RBFOX1: variants seen among roughly 807,000 people sequenced by gnomAD.
RBFOX1 encodes RNA binding protein fox-1 homolog 1.
In RBFOX1, 8 loss-of-function variants were observed where a neutral mutation model predicts 57.7. That is an observed-to-expected ratio of 0.14 (90% confidence interval 0.08 to 0.25). The LOEUF is 0.25. Ranked by LOEUF, RBFOX1 falls within the 10% of genes least tolerant of loss-of-function variation. RBFOX1 has a pLI of 1.00. For synonymous variants in RBFOX1, 326 were observed against 222.4 expected (o/e 1.47, Z -4.15); for missense variants, 611 against 548.5 (o/e 1.11, Z -1.14).
chr16:7,653,215 G>C (rs756075781), intron 11 of RBFOX1, among the ~76,000 whole-genome samples: 1 of 152,170 alleles, frequency 6.6e-6, no homozygotes, highest in African/African-American at 2.4e-5. Flanking sequence ...AAATATGTTT[G>C]TGGGTTGGGC....
At chr16:5,831,409 G>A (rs185143606) in intron 3 of RBFOX1, among the ~76,000 whole-genome samples, 5 of 152,114 alleles carry the variant, frequency 3.3e-5, no homozygotes, top group Admixed American at 1.3e-4. Context: ...CTGGGCCTAC[G>A]CAGAAGCTAA....
chr16:6,731,083 C>T (rs1485090626), intron 3 of RBFOX1, among the ~76,000 whole-genome samples: 1 of 152,120 alleles, frequency 6.6e-6, no homozygotes, highest in African/African-American at 2.4e-5. Context: ...ATATCCTTTA[C>T]CTTTGGAAAA....
At chr16:7,466,504 C>G (rs969221911) in intron 4 of RBFOX1, among the ~76,000 whole-genome samples, 3 of 152,040 alleles carry the variant, frequency 2.0e-5, no homozygotes, top group Non-Finnish European at 2.9e-5. Context: ...TTAATGGAGC[C>G]CAGATGTGAA....
At chr16:7,383,238 A>C (rs572645425) in intron 4 of RBFOX1, among the ~76,000 whole-genome samples, 1 of 151,836 alleles carries the variant, frequency 6.6e-6, no homozygotes, top group African/African-American at 2.4e-5. Flanking sequence ...TCCCATAAAC[A>C]TACACACCTA....
chr16:6,796,517 A>G (rs1184580473), intron 3 of RBFOX1, among the ~76,000 whole-genome samples: 2 of 152,306 alleles, frequency 1.3e-5, no homozygotes, highest in South Asian at 2.1e-4. Context: ...CATCCACTGT[A>G]AATAACAGAA....
chr16:5,401,407 G>T (rs2066710358), intron 1 of RBFOX1, among the ~76,000 whole-genome samples: 1 of 152,124 alleles, frequency 6.6e-6, no homozygotes, highest in Non-Finnish European at 1.5e-5. Flanking sequence ...CAATGTCCGT[G>T]CTGTGACTTG....
intron 3 of RBFOX1, among the ~76,000 whole-genome samples, chr16:5,646,286 A>G (rs1443453171): frequency 6.6e-6 from 1 of 150,958 alleles, no homozygotes; most frequent in East Asian, 2.0e-4. Flanking sequence ...CGGCCTCCCA[A>G]AGTGCTGGGA....
chr16:5,247,350 T>C (rs9708768), intron 1 of RBFOX1, among the ~76,000 whole-genome samples: 130,887 of 152,188 alleles, frequency 0.86, 56,375 homozygotes, highest in East Asian at 0.97. Flanking sequence ...TGGAGGAGAA[T>C]CCAGCCTTGG....
At chr16:6,974,848 G>A (rs764902192) in intron 3 of RBFOX1, among the ~76,000 whole-genome samples, 15 of 151,980 alleles carry the variant, frequency 9.9e-5, no homozygotes, top group Non-Finnish European at 1.9e-4. Flanking sequence ...CATTTTACTC[G>A]CATTCAGTGC....
intron 5 of RBFOX1, among the ~76,000 whole-genome samples, chr16:7,573,821 C>G (rs1484323640): frequency 7.0e-6 from 1 of 143,762 alleles, no homozygotes; most frequent in South Asian, 2.3e-4. Flanking sequence ...GGCAACAGAA[C>G]AAGACTCTGT....
At chr16:6,905,192 C>T (rs527937650) in intron 3 of RBFOX1, among the ~76,000 whole-genome samples, 5 of 151,618 alleles carry the variant, frequency 3.3e-5, no homozygotes, top group Non-Finnish European at 7.4e-5. Context: ...TTTTTTTTCT[C>T]AATAACACTT....
chr16:6,323,580 T>G (rs1472388514), intron 2 of RBFOX1, among the ~76,000 whole-genome samples: 1 of 152,240 alleles, frequency 6.6e-6, no homozygotes, highest in Non-Finnish European at 1.5e-5. Flanking sequence ...CATCCATGAC[T>G]GCCGGTGGCA....
chr16:6,122,133 T>C (rs906904849), intron 1 of RBFOX1, among the ~76,000 whole-genome samples: 1 of 152,150 alleles, frequency 6.6e-6, no homozygotes. Context: ...CTCGAACTCC[T>C]GGCCTCAGAT....
rs554052228 is a variant in RBFOX1, at chr16:5,304,898, T to G, written c.219+64793T>G. 3.9e-5 allele frequency among the ~76,000 whole-genome samples: 6 copies of G among 152,332 alleles called. No individual in the cohort carries two copies. The South Asian group carries it at 1.2e-3, about 32-fold the overall frequency. On this transcript the variant is annotated intron_variant, in intron 1 of 2. Transcript: ENST00000585867. ...TGCATTTCTCCTATTCCCTGCGAATTTGAACCTCTTCATGACATTACTGGC... is the reference window on the plus strand; with the variant it reads ...TGCATTTCTCCTATTCCCTGCGAATGTGAACCTCTTCATGACATTACTGGC...
chr16:6,345,731 T>C (rs766474404), intron 2 of RBFOX1, among the ~76,000 whole-genome samples: 6 of 152,258 alleles, frequency 3.9e-5, no homozygotes, highest in Non-Finnish European at 7.4e-5. Flanking sequence ...ACCCATACAA[T>C]CTAAGACTGG....
At chr16:5,755,437 C>G (rs919984744) in intron 3 of RBFOX1, among the ~76,000 whole-genome samples, 12 of 152,176 alleles carry the variant, frequency 7.9e-5, no homozygotes, top group Non-Finnish European at 1.6e-4. Flanking sequence ...TTGGTTCACA[C>G]TGATCTTCCT....
chr16:6,489,776 CAGG>C (rs769624718), intron 2 of RBFOX1, among the ~76,000 whole-genome samples: 6 of 152,150 alleles, frequency 3.9e-5, no homozygotes, highest in Non-Finnish European at 7.4e-5. Flanking sequence ...TCACCTGGGT[CAGG>C]AGGTCTTGTG....
At chr16:7,591,175 A>G (rs908320277) in intron 7 of RBFOX1, among the ~76,000 whole-genome samples, 2 of 152,176 alleles carry the variant, frequency 1.3e-5, no homozygotes, top group Non-Finnish European at 2.9e-5. Context: ...GAGGGGAAAG[A>G]GGGATGTGTC....
intron 4 of RBFOX1, among the ~76,000 whole-genome samples, chr16:7,318,785 C>T (rs2096491282): frequency 6.6e-6 from 1 of 152,106 alleles, no homozygotes; most frequent in African/African-American, 2.4e-5. Flanking sequence ...GCCAGACCCA[C>T]CCCCCATCTC....
Sources: allele counts gnomAD v4.1 joint callset (sites outside exome capture counted in the v4.1 genomes callset), GRCh38; gene constraint gnomAD v4.1.1; transcripts MANE v1.5; gene names NCBI Gene and HGNC (gene_info 2026-07-23, HGNC 2026-07-21).